The following SLC8A1 variants were observed in gnomAD, a reference collection of about 807,000 sequenced individuals.
The protein encoded by SLC8A1 is solute carrier family 8 member A1, also known as sodium/calcium exchanger 1.
In SLC8A1, 18 loss-of-function variants were observed where a neutral mutation model predicts 68.3. The ratio of observed to expected loss-of-function variants is 0.26; its 90% CI spans 0.18 to 0.39. SLC8A1 has a LOEUF of 0.39. SLC8A1 is among the 10% of genes least tolerant of loss of function. The probability of loss-of-function intolerance (pLI) is 1.00; values close to 1 mark genes in which losing one functional copy is unlikely to be tolerated. For missense variants in SLC8A1, 985 were observed against 1,156.7 expected, an observed-to-expected ratio of 0.85 and a Z score of 2.15; for synonymous variants, 475 against 415.5, an observed-to-expected ratio of 1.14 and a Z score of -1.74.
At chr2:40,452,777 C>G (rs1388065928), upstream of SLC8A1, among the ~76,000 whole-genome samples, 8 of 150,346 alleles carry the variant, frequency 5.3e-5, no homozygotes, top group African/African-American at 2.0e-4. Flanking sequence ...GGAGGGTGTC[C>G]CCCGGCCAAG....
chr2:40,365,735 G>A (rs751208447), intron 2 of SLC8A1, among the ~76,000 whole-genome samples: 13 of 151,958 alleles, frequency 8.6e-5, no homozygotes, highest in East Asian at 3.9e-4. Context: ...GTGCAGTAGC[G>A]AGCACCTATA....
chr2:40,310,252 C>T (rs548541429), intron 2 of SLC8A1, among the ~76,000 whole-genome samples: 1 of 152,252 alleles, frequency 6.6e-6, no homozygotes, highest in South Asian at 2.1e-4. Context: ...GCCTTGGATG[C>T]CATGGTCACA....
At chr2:40,457,485 C>T (rs561835091) in intron 1 of SLC8A1, among the ~76,000 whole-genome samples, 3 of 152,136 alleles carry the variant, frequency 2.0e-5, no homozygotes, top group Non-Finnish European at 4.4e-5. Context: ...CAGACAGTAG[C>T]CCTTGAAGAT....
At chr2:40,381,183 C>T (rs191778731) in intron 2 of SLC8A1, among the ~76,000 whole-genome samples, 247 of 152,116 alleles carry the variant, frequency 1.6e-3, no homozygotes, top group Non-Finnish European at 2.9e-3. Context: ...TGGCTGCACT[C>T]GGCAATACCA....
At chr2:40,254,790 C>G (rs985845802) in intron 2 of SLC8A1, 1 of 152,202 alleles carries the variant, frequency 6.6e-6, no homozygotes, top group African/African-American at 2.4e-5. Flanking sequence ...ACAAGATTGA[C>G]AGGCTCATTA....
At chr2:40,488,670 T>G (rs867599983) in intron 1 of SLC8A1, among the ~76,000 whole-genome samples, 3 of 152,266 alleles carry the variant, frequency 2.0e-5, no homozygotes, top group Middle Eastern at 3.4e-3. Flanking sequence ...ATCTCCTAAT[T>G]CTTCCCACCT....
rs181824643 is a variant in SLC8A1, at chr2:40,194,487, G to T, written c.1809-16632C>A. ...GTAAGCAATGTGTGTGTGTGTGTGT[G>T]TGTGTGTGTGTGTGTGTGTGCGCGC... is the stretch of plus-strand genomic sequence containing the variant. On this transcript the variant is annotated intron_variant, in intron 2 of 7. Transcript: ENST00000406785. 8.3e-4 allele frequency among the ~76,000 whole-genome samples: 122 copies of T among 146,770 alleles called. 1 individual carries two copies. Among genetic ancestry groups the T allele is most frequent in the East Asian group, 5.5e-3 (28 of 5,112 alleles).
intron 1 of SLC8A1, among the ~76,000 whole-genome samples, chr2:40,479,882 C>A (rs1704524659): frequency 6.6e-6 from 1 of 152,154 alleles, no homozygotes; most frequent in Non-Finnish European, 1.5e-5. Flanking sequence ...CAGTTGCCTA[C>A]CCTCAGCTCC....
chr2:40,431,962 G>C (rs180710663), intron 1 of SLC8A1, among the ~76,000 whole-genome samples: 31 of 152,182 alleles, frequency 2.0e-4, no homozygotes, highest in African/African-American at 6.5e-4. Context: ...CCATACTAAA[G>C]AAAATCAGAG....
At chr2:40,177,993 G>T (rs1433017229) in intron 2 of SLC8A1, 3 of 638,992 alleles carry the variant, frequency 4.7e-6, no homozygotes, top group Non-Finnish European at 5.7e-6. Flanking sequence ...GTATGTAAAA[G>T]GGCATCTTGG....
intron 5 of SLC8A1, 58 bp from the exon 9 acceptor site, chr2:40,160,922 C>G: frequency 3.2e-6 from 4 of 1,268,088 alleles, no homozygotes; most frequent in Non-Finnish European, 4.6e-6. Flanking sequence ...TCAGGAAATC[C>G]AAGACCTTGT....
chr2:40,170,050 T>A (rs576256672), intron 4 of SLC8A1, among the ~76,000 whole-genome samples: 1 of 152,332 alleles, frequency 6.6e-6, no homozygotes, highest in African/African-American at 2.4e-5. Flanking sequence ...AGAGAGGCCA[T>A]GGGATCAGTC....
intron 2 of SLC8A1, among the ~76,000 whole-genome samples, chr2:40,341,484 G>T (rs1667676131): frequency 6.6e-6 from 1 of 152,140 alleles, no homozygotes. Flanking sequence ...TCTATAAAAT[G>T]AAAGAGTTCC....
intron 2 of SLC8A1, among the ~76,000 whole-genome samples, chr2:40,342,214 C>G (rs1356086101): frequency 6.6e-6 from 1 of 152,202 alleles, no homozygotes; most frequent in Non-Finnish European, 1.5e-5. Flanking sequence ...ATATTAACTA[C>G]TCGTATCTAA....
At chr2:40,499,767 A>G (rs1334478552) in intron 1 of SLC8A1, among the ~76,000 whole-genome samples, 1 of 152,044 alleles carries the variant, frequency 6.6e-6, no homozygotes, top group Admixed American at 6.6e-5. Flanking sequence ...TTAATTTTCC[A>G]TACATGTCTC....
rs1413484151 is a variant in SLC8A1, at chr2:40,136,436, T to G, written c.2437+2965A>C. On this transcript the variant is annotated intron_variant, in intron 7 of 7. Transcript: ENST00000406785. ...GATGAGATATATAGATATTAATTCC[T>G]TCCTTGAGGCAGGAGGACTAACGGG... Among the ~76,000 whole-genome samples the G allele has an allele frequency of 3.9e-5, 6 of 152,200 alleles. No individual in the cohort carries two copies. In the East Asian group the frequency reaches 1.2e-3, roughly 29 times the overall value.
chr2:40,265,593 AT>A (rs1469896560), intron 2 of SLC8A1, among the ~76,000 whole-genome samples: 1 of 152,180 alleles, frequency 6.6e-6, no homozygotes, highest in Admixed American at 6.5e-5. Context: ...TGAAGATTAC[AT>A]AGGATGGAGG....
At chr2:40,111,489 AT>A (rs2034548286) in exon 8 of SLC8A1, 1 of 152,140 alleles carries the variant, frequency 6.6e-6, no homozygotes, top group Non-Finnish European at 1.5e-5. Flanking sequence ...ACTAAAGAAA[AT>A]TTTAAAGATG....
At position 40,282,498 on chromosome 2, in the gene SLC8A1, A is replaced by G. The variant is rs140074034; in HGVS notation, c.1809-104643T>C. Among the ~76,000 whole-genome samples, 11 of 152,314 alleles carry G rather than the reference A, an allele frequency of 7.2e-5. 1 individual carries two copies. In the East Asian group the frequency reaches 2.1e-3, roughly 29 times the overall value. The stretch of plus-strand genomic sequence containing the variant: ...TGTACATTTGTTTACGCACTCAGGC[A>G]TATACAGACTGCCAACTTTATTATT... On this transcript the variant is annotated intron_variant, in intron 2 of 7. Coordinates refer to ENST00000406785, the Ensembl canonical transcript of SLC8A1.
Sources: gnomAD v4.1 joint callset for allele counts (sites outside exome capture counted in the v4.1 genomes callset) on GRCh38, gnomAD v4.1.1 for gene constraint, MANE v1.5 for transcripts, NCBI Gene and HGNC (gene_info 2026-07-23, HGNC 2026-07-21) for gene names.